RABEPK: variants seen among roughly 807,000 people sequenced by gnomAD.
RABEPK encodes Rab9 effector protein with kelch motifs.
RABEPK carries 27 observed loss-of-function variants against 34.1 expected under a neutral mutation model. The ratio of observed to expected loss-of-function variants is 0.79; its 90% confidence interval spans 0.58 to 1.09. The LOEUF is 1.09. RABEPK is among the 50% of genes least tolerant of loss of function. The pLI is 0.00. For synonymous variants in RABEPK, 172 were observed against 169.2 expected (o/e 1.02, Z -0.13); for missense variants, 449 against 462.6 (o/e 0.97, Z 0.27).
At chr9:125,211,112 C>T (rs1453861182) in intron 3 of RABEPK, among the ~76,000 whole-genome samples, 2 of 150,972 alleles carry the variant, frequency 1.3e-5, no homozygotes, top group Admixed American at 1.3e-4. Context: ...TGGCGGGCGC[C>T]TGTAGTCCCA....
chr9:125,225,962 C>CAA (rs60277969), intron 5 of RABEPK, among the ~76,000 whole-genome samples: 28 of 98,642 alleles, frequency 2.8e-4, no homozygotes, highest in African/African-American at 8.7e-4. Context: ...GACTCTGTTT[C>CAA]AAAAAAAAAA....
At chr9:125,210,254 T>C (rs1249420317) in intron 3 of RABEPK, among the ~76,000 whole-genome samples, 1 of 129,916 alleles carries the variant, frequency 7.7e-6, no homozygotes, top group Non-Finnish European at 1.7e-5. Context: ...ATACAAAAAA[T>C]TAGCCAGGCG....
chr9:125,233,603 A>G, intron 7 of RABEPK, 85 bp from the exon 8 acceptor site: 3 of 1,420,758 alleles, frequency 2.1e-6, no homozygotes, highest in East Asian at 2.3e-5. Flanking sequence ...CGGCCTCCCA[A>G]AGTGCTGGGA....
chr9:125,217,043 T>C (rs879679316), intron 4 of RABEPK, among the ~76,000 whole-genome samples: 1 of 152,056 alleles, frequency 6.6e-6, no homozygotes, highest in Admixed American at 6.6e-5. Context: ...GCCAATTTGC[T>C]TGGAGGACTA....
intron 7 of RABEPK, among the ~76,000 whole-genome samples, chr9:125,232,971 G>T (rs1394990076): frequency 6.6e-6 from 1 of 151,790 alleles, no homozygotes; most frequent in Non-Finnish European, 1.5e-5. Flanking sequence ...AGCTACTCGG[G>T]AGGCTGAGGC....
intron 4 of RABEPK, among the ~76,000 whole-genome samples, chr9:125,216,418 TA>T (rs1031641803): frequency 1.5e-4 from 22 of 146,582 alleles, no homozygotes; most frequent in East Asian, 3.9e-4. Context: ...AAATTAAAAT[TA>T]AAAAAAAAAA....
intron 2 of RABEPK, among the ~76,000 whole-genome samples, chr9:125,205,583 C>G (rs1402048784): frequency 6.6e-6 from 1 of 152,164 alleles, no homozygotes; most frequent in Non-Finnish European, 1.5e-5. Context: ...ACTTCCGCCT[C>G]CCGGGTTCAA....
chr9:125,210,403 C>CAAAAA (rs775128302), intron 3 of RABEPK, among the ~76,000 whole-genome samples: 1 of 67,864 alleles, frequency 1.5e-5, no homozygotes, highest in Non-Finnish European at 2.8e-5. Flanking sequence ...GTCTCCGTCT[C>CAAAAA]AAAAAAAAAA....
chr9:125,210,199 C>T (rs543300278), intron 3 of RABEPK, among the ~76,000 whole-genome samples: 2 of 151,580 alleles, frequency 1.3e-5, no homozygotes, highest in Admixed American at 6.6e-5. Context: ...GTCAAGAGAT[C>T]GAGACCATCC....
At chr9:125,212,501 G>A (rs1356940411) in intron 3 of RABEPK, among the ~76,000 whole-genome samples, 1 of 152,040 alleles carries the variant, frequency 6.6e-6, no homozygotes, top group Non-Finnish European at 1.5e-5. Flanking sequence ...TTACAGGCAT[G>A]AGCCACAGCG....
intron 4 of RABEPK, 133 bp from the exon 5 acceptor site, chr9:125,220,406 G>A (rs1365586814): frequency 6.8e-7 from 1 of 1,476,702 alleles, no homozygotes; most frequent in Non-Finnish European, 9.0e-7. Context: ...TTGTGAGTAT[G>A]AGATCCCTGC....
Position 125,204,031 on chromosome 9 carries a change from C to CA in RABEPK, c.53+986dup, listed in dbSNP as rs111335703. ...TGGGCCACAGAGCAAGAATCCGTTT[C>CA]AAAAAAAAAAAAAAAAAAAAAGGCC... On this transcript the variant is annotated intron_variant, in intron 2 of 7. Transcript: ENST00000373538. Among the ~76,000 whole-genome samples the CA allele has an allele frequency of 8.3e-3, 680 of 81,992 alleles. 4 individuals are homozygous for CA. Among genetic ancestry groups the CA allele is most frequent in the Non-Finnish European group, 0.01 (449 of 42,866 alleles). 53.8% of individuals were successfully genotyped at this position (81,992 alleles called of 152,430 possible).
intron 6 of RABEPK, among the ~76,000 whole-genome samples, chr9:125,228,460 C>T (rs1324198893): frequency 6.6e-6 from 1 of 151,674 alleles, no homozygotes; most frequent in Non-Finnish European, 1.5e-5. Context: ...AGTTTGAGAC[C>T]AGCCTGGCCA....
intron 4 of RABEPK, among the ~76,000 whole-genome samples, chr9:125,219,100 A>C (rs1312870185): frequency 6.6e-6 from 1 of 151,964 alleles, no homozygotes; most frequent in Non-Finnish European, 1.5e-5. Context: ...AAAATGCGGA[A>C]ATTAATATTT....
chr9:125,200,686 G>A lies in RABEPK; in HGVS notation c.-227G>A. ...TTTTAGGGGAGTGGGCCCAAGCCGG[G>A]TGCAAAGAACGGGGAAGGGCCTTCC... On this transcript the variant is annotated 5_prime_UTR_variant, in exon 1 of 8. The change creates a new upstream start codon in the 5' untranslated region. Coordinates refer to ENST00000373538, the MANE Select transcript of RABEPK (RefSeq NM_005833.4). 2 of 471,242 alleles carry A rather than the reference G, an allele frequency of 4.2e-6. No individual in the cohort carries two copies. Among genetic ancestry groups the A allele is most frequent in the South Asian group, 1.5e-5 (1 of 64,578 alleles). 29.2% of individuals were successfully genotyped at this position (471,242 alleles called of 1,614,324 possible). A position where few individuals can be genotyped will look rare whatever the true frequency, so the allele number is the denominator to read the frequency against.
At chr9:125,233,366 T>C (rs1832354019) in intron 7 of RABEPK, among the ~76,000 whole-genome samples, 1 of 131,290 alleles carries the variant, frequency 7.6e-6, no homozygotes, top group Non-Finnish European at 1.5e-5. Context: ...TGAGATGGAG[T>C]CTCACTCTGT....
intron 1 of RABEPK, among the ~76,000 whole-genome samples, chr9:125,201,432 G>A (rs1829897084): frequency 1.3e-5 from 2 of 152,210 alleles, no homozygotes; most frequent in South Asian, 4.1e-4. Flanking sequence ...TCTATGCTAT[G>A]TTGAGGCCAA....
intron 5 of RABEPK, among the ~76,000 whole-genome samples, chr9:125,225,476 G>C (rs620757): frequency 0.53 from 80,442 of 150,778 alleles, 21,901 homozygotes; most frequent in Admixed American, 0.62. Context: ...TTATGGTCAG[G>C]AGTTTGAGAC....
chr9:125,219,763 C>A (rs117606732), intron 4 of RABEPK, among the ~76,000 whole-genome samples: 1,951 of 152,156 alleles, frequency 0.013, 102 homozygotes, highest in East Asian at 0.082. Context: ...AACTCCTGGG[C>A]TCAAGCAATC....
Sources: allele counts gnomAD v4.1 joint callset (sites outside exome capture counted in the v4.1 genomes callset), GRCh38; gene constraint gnomAD v4.1.1; transcripts MANE v1.5; gene names NCBI Gene and HGNC (gene_info 2026-07-23, HGNC 2026-07-21).